Variants in PDE4D observed in about 807,000 individuals in gnomAD.
PDE4D encodes the protein 3',5'-cyclic-AMP phosphodiesterase 4D.
Under a neutral mutation model 87.4 loss-of-function variants are expected in PDE4D, and 24 were observed. The observed-to-expected ratio is 0.27, with a 90% CI of 0.20 to 0.39. The LOEUF (loss-of-function observed/expected upper bound fraction) is 0.39. PDE4D is among the 10% of genes least tolerant of loss of function. PDE4D has a pLI of 1.00. For missense variants in PDE4D, 714 were observed against 1,041.0 expected, an observed-to-expected ratio of 0.69 and a Z score of 4.32; for synonymous variants, 384 against 383.2, an observed-to-expected ratio of 1.00 and a Z score of -0.02.
chr5:60,260,416 TA>T (rs1204518704), intron 1 of PDE4D, among the ~76,000 whole-genome samples: 1 of 152,136 alleles, frequency 6.6e-6, no homozygotes, highest in Non-Finnish European at 1.5e-5. Context: ...ATATTTTGGA[TA>T]TTAACTGACA....
chr5:59,957,997 A>G (rs564250491), intron 3 of PDE4D, among the ~76,000 whole-genome samples: 2 of 152,268 alleles, frequency 1.3e-5, no homozygotes, highest in African/African-American at 4.8e-5. Context: ...GCTTTTTTGA[A>G]GTACATTTAA....
chr5:60,212,942 C>T (rs1333195185), intron 1 of PDE4D, among the ~76,000 whole-genome samples: 1 of 152,180 alleles, frequency 6.6e-6, no homozygotes, highest in African/African-American at 2.4e-5. Context: ...CATTTTCCTG[C>T]GTTCTTCCCT....
At chr5:59,772,255 A>G (rs1409576385) in intron 1 of PDE4D, among the ~76,000 whole-genome samples, 2 of 152,130 alleles carry the variant, frequency 1.3e-5, no homozygotes, top group African/African-American at 4.8e-5. Context: ...CAACAGGAGC[A>G]CTCCACAGCT....
chr5:60,337,408 T>C (rs67522885), intron 1 of PDE4D, among the ~76,000 whole-genome samples: 35,287 of 118,436 alleles, frequency 0.3, 6,444 homozygotes, highest in African/African-American at 0.49. Context: ...CACACACACA[T>C]ATATCAATTC....
At chr5:59,146,190 TA>T (rs910554198) in intron 5 of PDE4D, among the ~76,000 whole-genome samples, 8 of 151,980 alleles carry the variant, frequency 5.3e-5, no homozygotes, top group African/African-American at 1.7e-4. Flanking sequence ...CTTTTTAAAC[TA>T]AAAAAAAATA....
intron 1 of PDE4D, among the ~76,000 whole-genome samples, chr5:59,373,022 A>AAG (rs1354403952): frequency 2.0e-5 from 3 of 151,908 alleles, no homozygotes; most frequent in Non-Finnish European, 4.4e-5. Flanking sequence ...GAAAAAAAAA[A>AAG]CATTCAAATG....
chr5:59,681,717 G>A lies in PDE4D; in HGVS notation c.455+211451C>T, dbSNP rs185305955. 6.6e-3 allele frequency among the ~76,000 whole-genome samples: 999 copies of A among 151,996 alleles called. 5 individuals are homozygous for A. The highest frequency in any genetic ancestry group is 0.011 in the Non-Finnish European group (726 of 67,940). ...AGATGGAGACCGTCCTGGCTAACAC[G>A]GTGAAACCCCGTCTCTACTAAACAA... On this transcript the variant is annotated intron_variant, in intron 1 of 14. Coordinates refer to ENST00000340635, the MANE Select transcript of PDE4D (RefSeq NM_001104631.2).
At chr5:60,380,475 G>A (rs1034574928) in intron 1 of PDE4D, among the ~76,000 whole-genome samples, 2 of 152,190 alleles carry the variant, frequency 1.3e-5, no homozygotes, top group African/African-American at 4.8e-5. Flanking sequence ...GCCATTTTAT[G>A]GTTCTATAAT....
intron 1 of PDE4D, among the ~76,000 whole-genome samples, chr5:60,388,374 G>C (rs958523906): frequency 1.4e-4 from 21 of 150,684 alleles, no homozygotes; most frequent in Non-Finnish European, 3.1e-4. Flanking sequence ...TTGGTTTTTT[G>C]GGGTTTTTTC....
At chr5:59,866,484 C>A (rs1747059219) in intron 1 of PDE4D, among the ~76,000 whole-genome samples, 1 of 151,898 alleles carries the variant, frequency 6.6e-6, no homozygotes, top group South Asian at 2.1e-4. Flanking sequence ...AATAAATTTA[C>A]ATAAGAAAGT....
Position 59,515,430 on chromosome 5 carries a change from G to A in PDE4D, c.456-299462C>T, listed in dbSNP as rs746245513. ...ATATTTTAAAGTCAGAGAAGCATCC[G>A]TGCAGCCAGTCAATAAATCATTTTA... is the stretch of plus-strand genomic sequence containing the variant. On this transcript the variant is annotated intron_variant, in intron 1 of 14. Coordinates refer to ENST00000340635, the MANE Select transcript of PDE4D (RefSeq NM_001104631.2). Among the ~76,000 whole-genome samples the A allele has an allele frequency of 3.3e-5, 5 of 152,094 alleles. No individual in the cohort carries two copies. In the South Asian group the frequency reaches 6.2e-4, roughly 19 times the overall value.
intron 1 of PDE4D, among the ~76,000 whole-genome samples, chr5:60,202,010 A>G (rs1741973144): frequency 6.6e-6 from 1 of 152,252 alleles, no homozygotes; most frequent in African/African-American, 2.4e-5. Flanking sequence ...GTCCAGATGA[A>G]TTCAAACTTT....
At chr5:59,882,261 G>A (rs1749533357) in intron 1 of PDE4D, among the ~76,000 whole-genome samples, 1 of 152,150 alleles carries the variant, frequency 6.6e-6, no homozygotes, top group Non-Finnish European at 1.5e-5. Context: ...GTAACCACAT[G>A]ATTTCTGGAC....
intron 1 of PDE4D, among the ~76,000 whole-genome samples, chr5:59,294,376 G>A (rs1227305823): frequency 6.6e-6 from 1 of 152,136 alleles, no homozygotes; most frequent in Non-Finnish European, 1.5e-5. Context: ...TGGTGGCCCT[G>A]TCTTTCTGCA....
chr5:59,079,512 A>T (rs114945627), intron 5 of PDE4D, among the ~76,000 whole-genome samples: 1 of 152,098 alleles, frequency 6.6e-6, no homozygotes, highest in African/African-American at 2.4e-5. Flanking sequence ...AGCCAAAACA[A>T]ATTTTTGATT....
chr5:60,152,782 T>G (rs1490310720), intron 2 of PDE4D, among the ~76,000 whole-genome samples: 12 of 152,208 alleles, frequency 7.9e-5, no homozygotes, highest in Admixed American at 7.9e-4. Context: ...TTCTATTTCT[T>G]CCTGATTCAA....
intron 1 of PDE4D, among the ~76,000 whole-genome samples, chr5:59,264,560 G>A (rs530369117): frequency 2.2e-4 from 33 of 151,926 alleles, no homozygotes; most frequent in African/African-American, 6.5e-4. Flanking sequence ...GACTCTTAAC[G>A]AAACACAGAA....
chr5:60,162,900 G>A (rs561820993), intron 2 of PDE4D, among the ~76,000 whole-genome samples: 5 of 151,830 alleles, frequency 3.3e-5, no homozygotes, highest in Non-Finnish European at 7.4e-5. Flanking sequence ...TTAATGAGAG[G>A]TTTCATTAGC....
At chr5:59,157,469 C>G (rs895231621) in intron 5 of PDE4D, 1 of 646,000 alleles carries the variant, frequency 1.5e-6, no homozygotes, top group Non-Finnish European at 2.8e-6. Context: ...GAATTTACGA[C>G]TAAGTTTCCA....
Sources: gnomAD v4.1 joint callset for allele counts (sites outside exome capture counted in the v4.1 genomes callset) on GRCh38, gnomAD v4.1.1 for gene constraint, MANE v1.5 for transcripts, NCBI Gene and HGNC (gene_info 2026-07-23, HGNC 2026-07-21) for gene names.